Variants in KIAA1671 observed in about 807,000 individuals in gnomAD.
The protein encoded by KIAA1671 is KIAA1671.
KIAA1671 carries 52 observed loss-of-function variants against 131.2 expected under a neutral mutation model. The ratio of observed to expected loss-of-function variants is 0.40; its 90% CI spans 0.32 to 0.50. KIAA1671 has a LOEUF of 0.50. Ranked by LOEUF, KIAA1671 falls within the 20% of genes least tolerant of loss-of-function variation. KIAA1671 has a pLI of 0.73. For missense variants in KIAA1671, 2,360 were observed against 2,364.2 expected, an observed-to-expected ratio of 1.00 and a Z score of 0.04; for synonymous variants, 1,003 against 961.6, an observed-to-expected ratio of 1.04 and a Z score of -0.80.
chr22:25,174,173 C>T (rs1933943479), intron 7 of KIAA1671, 67 bp from the exon 8 acceptor site: 1 of 1,507,768 alleles, frequency 6.6e-7, no homozygotes, highest in Admixed American at 2.0e-5. Flanking sequence ...CAGCATCCTT[C>T]ACTTGAAATC....
At position 24,981,062 on chromosome 22, in the gene KIAA1671, C is replaced by CTGTGTGTGTG. The variant is rs35906863; in HGVS notation, c.-208+28308_-208+28317dup. 4.3e-3 allele frequency among the ~76,000 whole-genome samples: 634 copies of CTGTGTGTGTG among 148,902 alleles called. 1 individual carries two copies. Among genetic ancestry groups the CTGTGTGTGTG allele is most frequent in the African/African-American group, 0.013 (546 of 40,550 alleles). ...ATGCCCGGCCAACACTTGTTATTTT[C>CTGTGTGTGTG]TGTGTGTGTGTGTGTGTGTGTGTGT... is the stretch of plus-strand genomic sequence containing the variant. On this transcript the variant is annotated intron_variant, in intron 1 of 12. Coordinates refer to ENST00000358431, the MANE Select transcript of KIAA1671 (RefSeq NM_001145206.2).
chr22:25,133,488 C>G (rs115018156), intron 6 of KIAA1671, among the ~76,000 whole-genome samples: 155 of 152,300 alleles, frequency 1.0e-3, no homozygotes, highest in African/African-American at 3.6e-3. Context: ...TCAAAAGACT[C>G]TGTTCTTCGA....
rs1335947766 is a variant in KIAA1671, at chr22:25,195,653, AC to A, written c.*3255del. On this transcript the variant is annotated 3_prime_UTR_variant, in exon 13 of 13. Coordinates refer to ENST00000358431, the MANE Select transcript of KIAA1671 (RefSeq NM_001145206.2). ...CAGGCTGGGCAAAGGATTTAGAAAGACCCTTAGCATGATTTTCCTAAAAGAG... is the reference window on the plus strand; with the variant it reads ...CAGGCTGGGCAAAGGATTTAGAAAGACCTTAGCATGATTTTCCTAAAAGAG... 7 of 152,184 alleles carry A rather than the reference AC, an allele frequency of 4.6e-5. No individual in the cohort carries two copies. Among genetic ancestry groups the A allele is most frequent in the African/African-American group, 1.4e-4 (6 of 41,514 alleles). The allele number at this position is 152,184 out of a possible 1,614,324, so 9.4% of individuals were successfully genotyped here.
chr22:24,994,089 GA>G (rs1007929440), intron 1 of KIAA1671, among the ~76,000 whole-genome samples: 184 of 145,280 alleles, frequency 1.3e-3, no homozygotes, highest in African/African-American at 4.1e-3. Flanking sequence ...TCTCAGAAGA[GA>G]AAAAAAAAAA....
At chr22:24,961,696 G>A (rs1922027029) in intron 1 of KIAA1671, among the ~76,000 whole-genome samples, 1 of 152,250 alleles carries the variant, frequency 6.6e-6, no homozygotes, top group African/African-American at 2.4e-5. Context: ...ATAGGCTGAA[G>A]CAAGTCACGT....
rs1018348063 is a variant in KIAA1671, at chr22:25,190,789, G to C, written c.*4+5G>C. On this transcript the variant is annotated splice_donor_5th_base_variant and intron_variant, in intron 12 of 12. Transcript: ENST00000358431. ...ATGAGAACCAAGTTTGACCAGGTAT[G>C]AAGGGGCTCTGTTGGGGAACCTGGG... The C allele has an allele frequency of 1.3e-5, 20 of 1,545,192 alleles. No homozygotes were observed. The African/African-American group carries it at 2.3e-4, about 18-fold the overall frequency.
chr22:25,111,399 G>T (rs1345785322), intron 6 of KIAA1671, among the ~76,000 whole-genome samples: 1 of 152,216 alleles, frequency 6.6e-6, no homozygotes, highest in Non-Finnish European at 1.5e-5. Context: ...GCGGACGTCA[G>T]CTCCCTGGGC....
intron 6 of KIAA1671, among the ~76,000 whole-genome samples, chr22:25,160,515 GTC>G (rs1452833897): frequency 6.6e-6 from 1 of 152,130 alleles, no homozygotes; most frequent in East Asian, 1.9e-4. Context: ...CTGACTGCCT[GTC>G]TCTGTCTCCC....
chr22:25,100,311 G>A (rs564994737), intron 6 of KIAA1671, among the ~76,000 whole-genome samples: 1 of 152,336 alleles, frequency 6.6e-6, no homozygotes, highest in South Asian at 2.1e-4. Context: ...CCAAAGCCAT[G>A]TTGGTGAACC....
rs1934746209 is a variant in KIAA1671 at position 25,193,919 on chromosome 22, C to G, written c.*1518C>G. Reference sequence around the variant, plus strand: ...GATGATAGTTTGTTTTCTCTTCATTCCCTGAATTAGTCATCAGTTCTCCGT... The same window carrying G: ...GATGATAGTTTGTTTTCTCTTCATTGCCTGAATTAGTCATCAGTTCTCCGT... On this transcript the variant is annotated 3_prime_UTR_variant, in exon 13 of 13. Coordinates refer to ENST00000358431, the MANE Select transcript of KIAA1671 (RefSeq NM_001145206.2). 1 of 152,224 alleles carries G rather than the reference C, an allele frequency of 6.6e-6. No individual in the cohort carries two copies. The allele number at this position is 152,224 out of a possible 1,614,324, so 9.4% of individuals were successfully genotyped here.
intron 5 of KIAA1671, among the ~76,000 whole-genome samples, chr22:25,044,886 C>T (rs1602094487): frequency 6.6e-6 from 1 of 152,172 alleles, no homozygotes; most frequent in Non-Finnish European, 1.5e-5. Flanking sequence ...ACTGGCTGGG[C>T]ACGGTGGCTC....
chr22:25,107,895 A>C (rs9608367), intron 6 of KIAA1671, among the ~76,000 whole-genome samples: 19,531 of 151,994 alleles, frequency 0.13, 1,320 homozygotes, highest in Middle Eastern at 0.15. Context: ...GTAATCCCAG[A>C]TACTCGGGAG....
At chr22:25,049,461 G>C in intron 6 of KIAA1671, 97 bp downstream of exon 6, 1 of 1,386,348 alleles carries the variant, frequency 7.2e-7, no homozygotes, top group Non-Finnish European at 9.7e-7. Context: ...ACAGCCCAGG[G>C]CCCTGACGGG....
chr22:25,157,606 T>A (rs2145988533), intron 6 of KIAA1671, among the ~76,000 whole-genome samples: 3 of 152,300 alleles, frequency 2.0e-5, no homozygotes, highest in Admixed American at 2.0e-4. Context: ...ACAGAAATTC[T>A]GAGTTAAAAA....
chr22:25,031,297 C>G (rs1301929826), intron 3 of KIAA1671, among the ~76,000 whole-genome samples: 5 of 150,518 alleles, frequency 3.3e-5, no homozygotes, highest in Admixed American at 3.3e-4. Context: ...CCCAGGTTCA[C>G]GCCATTCTCC....
chr22:25,116,002 C>T (rs931127275), intron 6 of KIAA1671, among the ~76,000 whole-genome samples: 5 of 152,064 alleles, frequency 3.3e-5, no homozygotes, highest in Non-Finnish European at 5.9e-5. Flanking sequence ...TCTCGAACTC[C>T]TGACCTCAAG....
At chr22:24,984,158 T>C (rs1276409547) in intron 1 of KIAA1671, among the ~76,000 whole-genome samples, 1 of 152,094 alleles carries the variant, frequency 6.6e-6, no homozygotes, top group East Asian at 1.9e-4. Context: ...TGGAAGAAAG[T>C]CACTTAATTA....
At chr22:24,960,673 T>C (rs1921973060) in intron 1 of KIAA1671, among the ~76,000 whole-genome samples, 1 of 145,598 alleles carries the variant, frequency 6.9e-6, no homozygotes, top group East Asian at 2.0e-4. Context: ...TTTTTTTTTT[T>C]TTTGCTATGA....
intron 6 of KIAA1671, among the ~76,000 whole-genome samples, chr22:25,136,669 T>C (rs1932690867): frequency 6.6e-6 from 1 of 152,194 alleles, no homozygotes; most frequent in Non-Finnish European, 1.5e-5. Flanking sequence ...CAGCATTTCG[T>C]GTATATTCTG....
Sources: gnomAD v4.1 joint callset for allele counts (sites outside exome capture counted in the v4.1 genomes callset) on GRCh38, gnomAD v4.1.1 for gene constraint, MANE v1.5 for transcripts, NCBI Gene and HGNC (gene_info 2026-07-23, HGNC 2026-07-21) for gene names.